Variants in GRM5 observed in about 807,000 individuals in gnomAD.
GRM5 encodes glutamate metabotropic receptor 5.
In GRM5, 19 loss-of-function variants were observed where a neutral mutation model predicts 83.1. The observed-to-expected ratio is 0.23, with a 90% CI of 0.16 to 0.34. The LOEUF (loss-of-function observed/expected upper bound fraction) is 0.34, where lower values mean the gene tolerates loss of function less well. GRM5 is among the 10% of genes least tolerant of loss of function. The pLI is 1.00. For missense variants in GRM5, 1,160 were observed against 1,588.3 expected (o/e 0.73, Z 4.58); for synonymous variants, 675 against 633.6 (o/e 1.07, Z -0.98).
chr11:88,855,330 A>T (rs1944455592), intron 2 of GRM5, among the ~76,000 whole-genome samples: 1 of 151,866 alleles, frequency 6.6e-6, no homozygotes, highest in Non-Finnish European at 1.5e-5. Context: ...TTTCATATGT[A>T]TCACAGACAC....
chr11:88,914,653 C>A (rs2135617089), intron 2 of GRM5, among the ~76,000 whole-genome samples: 1 of 152,142 alleles, frequency 6.6e-6, no homozygotes, highest in East Asian at 1.9e-4. Context: ...TCCATTGAAT[C>A]CCAAGGTAGG....
At chr11:88,824,411 C>T (rs1019148470) in intron 3 of GRM5, among the ~76,000 whole-genome samples, 4 of 152,126 alleles carry the variant, frequency 2.6e-5, no homozygotes, top group Non-Finnish European at 5.9e-5. Flanking sequence ...CCATCCTGTA[C>T]ACAAGCACTG....
chr11:88,744,161 G>A (rs1010897990), intron 3 of GRM5, among the ~76,000 whole-genome samples: 12 of 152,028 alleles, frequency 7.9e-5, no homozygotes, highest in African/African-American at 9.7e-5. Context: ...ATAACTTTGC[G>A]TCTTCTTTCA....
chr11:88,583,791 C>G, intron 7 of GRM5, among the ~76,000 whole-genome samples: 1 of 152,324 alleles, frequency 6.6e-6, no homozygotes, highest in East Asian at 1.9e-4. Flanking sequence ...TTGGCAAATG[C>G]TTTTCAGATA....
At chr11:88,782,684 T>TTTAGGTTTTTTAAGGTTTCCAATTTTAA (rs1565228471) in intron 3 of GRM5, among the ~76,000 whole-genome samples, 8 of 152,170 alleles carry the variant, frequency 5.3e-5, no homozygotes, top group Non-Finnish European at 1.2e-4. Context: ...CTCTGTTCTT[T>TTTAGGTTTTTTAAGGTTTCCAATTTTAA]GAAAATTGGA....
chr11:88,817,227 A>G (rs1943708162), intron 3 of GRM5, among the ~76,000 whole-genome samples: 1 of 152,162 alleles, frequency 6.6e-6, no homozygotes, highest in Non-Finnish European at 1.5e-5. Flanking sequence ...GATATTTTAC[A>G]CAAATAATTT....
rs1352716756 is a variant in GRM5, at chr11:88,917,987, A to G, written c.662-67832T>C. ...TATTTAAGTACAACAAGGTTATAGA[A>G]CACAAGCAGACTTAACCCAAATAAG... On this transcript the variant is annotated intron_variant, in intron 2 of 9. Coordinates refer to ENST00000305447, the MANE Select transcript of GRM5 (RefSeq NM_001143831.3). Among the ~76,000 whole-genome samples, 3 of 152,268 alleles carry G rather than the reference A, an allele frequency of 2.0e-5. No homozygotes were observed. In the East Asian group the frequency reaches 5.8e-4, roughly 29 times the overall value.
At chr11:88,842,259 G>A (rs1307723390) in intron 3 of GRM5, among the ~76,000 whole-genome samples, 1 of 151,910 alleles carries the variant, frequency 6.6e-6, no homozygotes, top group Non-Finnish European at 1.5e-5. Flanking sequence ...CCAAATTATT[G>A]CAAATCTCAA....
intron 2 of GRM5, among the ~76,000 whole-genome samples, chr11:88,988,828 C>T (rs1457867295): frequency 5.6e-5 from 8 of 142,392 alleles, no homozygotes; most frequent in African/African-American, 2.1e-4. Context: ...TTTGTCACCA[C>T]CAGGCCTGCC....
chr11:88,975,367 C>T (rs985638502), intron 2 of GRM5, among the ~76,000 whole-genome samples: 1 of 152,146 alleles, frequency 6.6e-6, no homozygotes, highest in Non-Finnish European at 1.5e-5. Context: ...GCTTCTCAAA[C>T]TGTAGTGTGA....
At chr11:88,734,801 G>A (rs1392052499) in intron 3 of GRM5, among the ~76,000 whole-genome samples, 4 of 151,908 alleles carry the variant, frequency 2.6e-5, no homozygotes, top group Non-Finnish European at 5.9e-5. Flanking sequence ...AACCAATTAT[G>A]GATTTATTAA....
At chr11:88,824,071 A>G (rs1173461157) in intron 3 of GRM5, among the ~76,000 whole-genome samples, 2 of 152,164 alleles carry the variant, frequency 1.3e-5, no homozygotes, top group Admixed American at 1.3e-4. Flanking sequence ...TAATTTAGTT[A>G]CTACTTGTCC....
At chr11:88,592,719 T>C (rs1225418450) in intron 6 of GRM5, among the ~76,000 whole-genome samples, 2 of 152,256 alleles carry the variant, frequency 1.3e-5, no homozygotes, top group East Asian at 3.8e-4. Flanking sequence ...GTTTTCATAT[T>C]TTATGTTCTG....
intron 2 of GRM5, among the ~76,000 whole-genome samples, chr11:89,024,262 A>G (rs1190213379): frequency 3.3e-5 from 5 of 152,200 alleles, no homozygotes; most frequent in Admixed American, 1.3e-4. Context: ...ATCTTTTTTA[A>G]TCCCAAAGAT....
intron 3 of GRM5, among the ~76,000 whole-genome samples, chr11:88,670,056 T>C (rs967956947): frequency 2.0e-5 from 3 of 152,018 alleles, no homozygotes; most frequent in South Asian, 2.1e-4. Context: ...AAATTAGACA[T>C]AATTTGTTGA....
chr11:88,730,926 G>A (rs909397680), intron 3 of GRM5, among the ~76,000 whole-genome samples: 1 of 152,058 alleles, frequency 6.6e-6, no homozygotes, highest in Admixed American at 6.6e-5. Flanking sequence ...TAGATGATGG[G>A]TTGATGGGTG....
chr11:88,808,626 C>A (rs1462418201), intron 3 of GRM5, among the ~76,000 whole-genome samples: 1 of 151,908 alleles, frequency 6.6e-6, no homozygotes, highest in African/African-American at 2.4e-5. Context: ...GTGACCATAA[C>A]ATATGACACT....
At chr11:88,606,279 T>TC in intron 4 of GRM5, among the ~76,000 whole-genome samples, 1 of 152,270 alleles carries the variant, frequency 6.6e-6, no homozygotes, top group African/African-American at 2.4e-5. Context: ...TCCCAACACT[T>TC]TAGGAGGCTG....
At chr11:88,711,402 G>C (rs1028750205) in intron 3 of GRM5, among the ~76,000 whole-genome samples, 6 of 152,108 alleles carry the variant, frequency 3.9e-5, no homozygotes, top group African/African-American at 1.4e-4. Context: ...AAGGAAAAAG[G>C]GAGAGTGGGT....
Sources: allele counts gnomAD v4.1 joint callset (sites outside exome capture counted in the v4.1 genomes callset), GRCh38; gene constraint gnomAD v4.1.1; transcripts MANE v1.5; gene names NCBI Gene and HGNC (gene_info 2026-07-23, HGNC 2026-07-21).